The following ZC3H11A variants were observed in gnomAD, a reference collection of about 807,000 sequenced individuals.
ZC3H11A encodes the protein zinc finger CCCH-type containing 11A.
In ZC3H11A, 22 loss-of-function variants were observed where a neutral mutation model predicts 90.8. The ratio of observed to expected loss-of-function variants is 0.24; its 90% CI spans 0.17 to 0.35. The LOEUF is 0.35. Ranked by LOEUF, ZC3H11A falls within the 10% of genes least tolerant of loss-of-function variation. The pLI is 1.00. For synonymous variants in ZC3H11A, 294 were observed against 339.8 expected, an observed-to-expected ratio of 0.87 and a Z score of 1.48; for missense variants, 701 against 964.9, an observed-to-expected ratio of 0.73 and a Z score of 3.62.
intron 2 of ZC3H11A, chr1:203,805,914 G>C: frequency 1.5e-6 from 1 of 677,930 alleles, no homozygotes; most frequent in South Asian, 1.4e-5. Flanking sequence ...TCACTTGCTT[G>C]TCTACCTTCA....
At chr1:203,813,808 C>G (rs1042242085) in intron 2 of ZC3H11A, among the ~76,000 whole-genome samples, 1 of 152,022 alleles carries the variant, frequency 6.6e-6, no homozygotes, top group Non-Finnish European at 1.5e-5. Flanking sequence ...GTCATCTTCT[C>G]CTTGTGTGTC....
chr1:203,796,865 A>G (rs1437256935), intron 1 of ZC3H11A: 1 of 158,980 alleles, frequency 6.3e-6, no homozygotes, highest in Non-Finnish European at 1.4e-5. Context: ...TCACATTTTA[A>G]AAGGTTGTAT....
intron 1 of ZC3H11A, chr1:203,800,292 C>T (rs1250220371): frequency 2.2e-6 from 2 of 922,060 alleles, no homozygotes; most frequent in East Asian, 2.6e-5. Flanking sequence ...TAAAAATAGC[C>T]ACTTTCATCC....
chr1:203,811,988 A>G (rs536244102), intron 2 of ZC3H11A, among the ~76,000 whole-genome samples: 9 of 147,398 alleles, frequency 6.1e-5, no homozygotes, highest in African/African-American at 2.3e-4. Flanking sequence ...GCTAATTTTT[A>G]TATTTTTTGA....
At chr1:203,838,133 C>T in intron 11 of ZC3H11A, 69 bp downstream of exon 11, 2 of 1,423,916 alleles carry the variant, frequency 1.4e-6, no homozygotes, top group Non-Finnish European at 1.9e-6. Flanking sequence ...ATGCTAACAG[C>T]TATGGTTTTT....
At chr1:203,850,457 T>C in intron 15 of ZC3H11A, 58 bp from the exon 16 acceptor site, 1 of 1,587,146 alleles carries the variant, frequency 6.3e-7, no homozygotes. Flanking sequence ...TTCTGAATTA[T>C]TCCCCATTTA....
chr1:203,808,126 A>G (rs922673205), intron 2 of ZC3H11A, among the ~76,000 whole-genome samples: 1 of 152,144 alleles, frequency 6.6e-6, no homozygotes, highest in Non-Finnish European at 1.5e-5. Context: ...GTATTTTTCA[A>G]AAGTATAAGT....
At position 203,851,100 on chromosome 1, in the gene ZC3H11A, C is replaced by T. The variant is rs1415157430; in HGVS notation, c.2150C>T (p.Pro717Leu). Reference protein sequence around the residue: ...LVSEDKSVTVPEAENPRDSLV... With the variant: ...LVSEDKSVTVLEAENPRDSLV... Reference sequence around the variant, plus strand: ...TCTGAGGACAAATCAGTCACTGTGCCTGAAGCAGAAAATCCTAGAGACAGG... The same window carrying T: ...TCTGAGGACAAATCAGTCACTGTGCTTGAAGCAGAAAATCCTAGAGACAGG... Residue 717 changes from proline (P) to leucine (L), a missense_variant, in exon 17 of 18, where the codon CCT becomes CTT. Transcript: ENST00000367210. 4 of 1,614,158 alleles carry T rather than the reference C, an allele frequency of 2.5e-6. No individual in the cohort carries two copies. The highest frequency in any genetic ancestry group is 1.7e-6 in the Non-Finnish European group (2 of 1,180,022).
At chr1:203,804,398 C>T (rs530659830) in intron 2 of ZC3H11A, among the ~76,000 whole-genome samples, 134 of 151,998 alleles carry the variant, frequency 8.8e-4, no homozygotes, top group African/African-American at 3.0e-3. Context: ...GTGATCCGCC[C>T]GCCTCGGCCT....
chr1:203,822,049 G>A (rs1306331389), intron 4 of ZC3H11A, among the ~76,000 whole-genome samples: 1 of 151,986 alleles, frequency 6.6e-6, no homozygotes, highest in Non-Finnish European at 1.5e-5. Flanking sequence ...GAGCCACCGT[G>A]CCTGGCCCTA....
intron 12 of ZC3H11A, among the ~76,000 whole-genome samples, chr1:203,843,830 A>AT (rs939578290): frequency 9.4e-5 from 14 of 148,336 alleles, no homozygotes; most frequent in South Asian, 6.5e-4. Context: ...TTGTTCTCTT[A>AT]TTTTTTTTTC....
At chr1:203,825,563 T>C (rs1182560832) in intron 4 of ZC3H11A, among the ~76,000 whole-genome samples, 1 of 151,174 alleles carries the variant, frequency 6.6e-6, no homozygotes, top group Non-Finnish European at 1.5e-5. Context: ...GCCTCCCGCA[T>C]AGCTGGGACT....
chr1:203,852,080 A>G, intron 17 of ZC3H11A, 61 bp from the exon 18 acceptor site: 6 of 1,594,662 alleles, frequency 3.8e-6, no homozygotes, highest in Non-Finnish European at 5.1e-6. Flanking sequence ...CCGTGAGACT[A>G]GGTGATTCAG....
chr1:203,838,335 G>A (rs1007739198), intron 11 of ZC3H11A, among the ~76,000 whole-genome samples: 2 of 152,234 alleles, frequency 1.3e-5, no homozygotes, highest in African/African-American at 4.8e-5. Flanking sequence ...ACAGAGAAAA[G>A]TACACAGTGT....
chr1:203,847,421 A>C lies in ZC3H11A; in HGVS notation c.1280A>C (p.Lys427Thr), dbSNP rs548302202. ...QQEAERQKSK[K>T]DTTCIKLKID... Reference sequence around the variant, plus strand: ...GAAGCAGAGAGACAAAAAAGCAAAAAGGATACAACTTGCATCAAGCTAAAG... The same window carrying C: ...GAAGCAGAGAGACAAAAAAGCAAAACGGATACAACTTGCATCAAGCTAAAG... Residue 427 changes from lysine (K) to threonine (T), a missense_variant, in exon 13 of 18, where the codon AAG (lysine) becomes ACG (threonine). Lys to Thr is a moderately conservative substitution (Grantham distance 78). Around this residue, in one of 4 missense-constraint regions of ZC3H11A, gnomAD observed 530 missense variants for 696.2 expected, o/e 0.76. Transcript: ENST00000367210. The C allele has an allele frequency of 6.2e-7, 1 of 1,613,892 alleles. No homozygotes were observed. The highest frequency in any genetic ancestry group is 2.2e-5 in the East Asian group (1 of 44,908).
chr1:203,838,664 A>G (rs984637116), intron 11 of ZC3H11A, among the ~76,000 whole-genome samples: 1 of 152,312 alleles, frequency 6.6e-6, no homozygotes, highest in East Asian at 1.9e-4. Context: ...GAAAGGTTAT[A>G]AACAGGCCGG....
At chr1:203,799,922 T>C (rs1327801656) in intron 1 of ZC3H11A, 1 of 1,536,050 alleles carries the variant, frequency 6.5e-7, no homozygotes, top group Non-Finnish European at 8.7e-7. Flanking sequence ...AAGAGGTCTG[T>C]AATTATATGG....
At chr1:203,838,369 T>A (rs1229639911) in intron 11 of ZC3H11A, among the ~76,000 whole-genome samples, 1 of 152,194 alleles carries the variant, frequency 6.6e-6, no homozygotes, top group Admixed American at 6.5e-5. Context: ...AGGAGAGGCA[T>A]CTATTATTAC....
intron 2 of ZC3H11A, among the ~76,000 whole-genome samples, chr1:203,810,003 CTAGA>C (rs1382330807): frequency 1.3e-5 from 2 of 152,020 alleles, no homozygotes; most frequent in Non-Finnish European, 2.9e-5. Context: ...TCTTGGCAAC[CTAGA>C]TACTTTTTTT....
Sources: gnomAD v4.1 joint callset for allele counts (sites outside exome capture counted in the v4.1 genomes callset) on GRCh38, gnomAD v4.1.1 for gene constraint, gnomAD v4.1.1 regional missense constraint, MANE v1.5 for transcripts, NCBI Gene and HGNC (gene_info 2026-07-23, HGNC 2026-07-21) for gene names.